Variants in STPG2 observed in about 807,000 individuals in gnomAD.
STPG2 encodes the protein sperm-tail PG-rich repeat-containing protein 2.
In STPG2, 56 loss-of-function variants were observed where a neutral mutation model predicts 54.2. The observed-to-expected ratio is 1.03, with a 90% CI of 0.83 to 1.29. STPG2 has a LOEUF of 1.29. STPG2 is among the 50% of genes most tolerant of loss of function. STPG2 has a pLI of 0.00. For missense variants in STPG2, 596 were observed against 544.9 expected (o/e 1.09, Z -0.93); for synonymous variants, 200 against 181.8 (o/e 1.10, Z -0.81).
At chr4:97,657,981 A>T (rs1478337371) in intron 10 of STPG2, among the ~76,000 whole-genome samples, 1 of 152,200 alleles carries the variant, frequency 6.6e-6, no homozygotes, top group African/African-American at 2.4e-5. Flanking sequence ...AGAAAATGTG[A>T]CTTGCATAAA....
intron 4 of STPG2, among the ~76,000 whole-genome samples, chr4:97,539,577 C>T (rs977155806): frequency 3.3e-5 from 5 of 152,136 alleles, no homozygotes; most frequent in East Asian, 1.9e-4. Flanking sequence ...GACTTAGACT[C>T]GCACACAATA....
chr4:97,740,333 T>A (rs1441715834), intron 9 of STPG2, among the ~76,000 whole-genome samples: 3 of 152,120 alleles, frequency 2.0e-5, no homozygotes, highest in South Asian at 4.2e-4. Context: ...TCACCACTCC[T>A]ATTCAACATA....
In STPG2 at chr4:98,143,256, G is replaced by A. The variant is rs1740355838; in HGVS notation, c.-106C>T. 5.0e-6 allele frequency: 4 copies of A among 801,524 alleles called. No homozygotes were observed. In the South Asian group the frequency reaches 5.4e-5, roughly 11 times the overall value. The allele number at this position is 801,524 out of a possible 1,614,324, so 49.7% of individuals were successfully genotyped here. A position where few individuals can be genotyped will look rare whatever the true frequency, so the allele number is the denominator to read the frequency against. On this transcript the variant is annotated 5_prime_UTR_variant, in exon 1 of 11. Transcript: ENST00000295268. ...AAGGAAGCCGACACCAGTCTGAGGA[G>A]GCCGGGAAAGAACTTCCGTAAACAG... is the stretch of plus-strand genomic sequence containing the variant.
At chr4:97,564,032 G>A (rs1732343396) in intron 10 of STPG2, among the ~76,000 whole-genome samples, 2 of 152,160 alleles carry the variant, frequency 1.3e-5, no homozygotes, top group African/African-American at 4.8e-5. Flanking sequence ...TGACAGTGGG[G>A]TGTTAAAGTC....
At chr4:97,879,514 C>T (rs1008239428) in intron 8 of STPG2, among the ~76,000 whole-genome samples, 1 of 152,082 alleles carries the variant, frequency 6.6e-6, no homozygotes, top group East Asian at 1.9e-4. Context: ...AAGTGGTTTC[C>T]CCTTATAAAG....
At chr4:97,952,382 C>T (rs1409387545) in intron 7 of STPG2, among the ~76,000 whole-genome samples, 1 of 152,102 alleles carries the variant, frequency 6.6e-6, no homozygotes, top group Non-Finnish European at 1.5e-5. Flanking sequence ...TGCAACTGTG[C>T]CTCTGAAGAA....
At chr4:97,961,900 T>C (rs1231062445) in intron 7 of STPG2, among the ~76,000 whole-genome samples, 1 of 152,130 alleles carries the variant, frequency 6.6e-6, no homozygotes, top group East Asian at 1.9e-4. Flanking sequence ...AAAAAGATAC[T>C]TGCACACGCA....
chr4:97,674,340 A>T (rs907161268), intron 10 of STPG2, among the ~76,000 whole-genome samples: 1 of 152,224 alleles, frequency 6.6e-6, no homozygotes, highest in African/African-American at 2.4e-5. Context: ...TATTTCAGGG[A>T]TATTGTAAAT....
chr4:97,850,488 C>T (rs1232863728), intron 8 of STPG2, among the ~76,000 whole-genome samples: 1 of 151,288 alleles, frequency 6.6e-6, no homozygotes, highest in African/African-American at 2.4e-5. Context: ...AAATGTTATA[C>T]AGAATTTAGC....
chr4:97,904,999 C>T (rs530900575), intron 8 of STPG2, among the ~76,000 whole-genome samples: 23 of 151,976 alleles, frequency 1.5e-4, no homozygotes, highest in Admixed American at 1.2e-3. Flanking sequence ...CTGAAAGTGA[C>T]GGGGAGAATG....
At chr4:97,810,271 C>T (rs1384567593) in intron 9 of STPG2, among the ~76,000 whole-genome samples, 1 of 152,066 alleles carries the variant, frequency 6.6e-6, no homozygotes, top group Non-Finnish European at 1.5e-5. Flanking sequence ...CGAGACCATC[C>T]TGGCCAACAT....
chr4:97,746,746 A>G (rs925133596), intron 9 of STPG2, among the ~76,000 whole-genome samples: 3 of 151,302 alleles, frequency 2.0e-5, no homozygotes, highest in African/African-American at 4.8e-5. Context: ...CTTTACCTAA[A>G]TATGGCAAAG....
intron 8 of STPG2, among the ~76,000 whole-genome samples, chr4:97,917,864 A>G (rs79395698): frequency 6.6e-6 from 1 of 152,136 alleles, no homozygotes; most frequent in African/African-American, 2.4e-5. Context: ...TAAATATTTC[A>G]TAACTATATC....
At chr4:97,773,994 G>T (rs1243148623) in intron 9 of STPG2, among the ~76,000 whole-genome samples, 1 of 147,252 alleles carries the variant, frequency 6.8e-6, no homozygotes, top group Non-Finnish European at 1.5e-5. Flanking sequence ...TAAAATATAG[G>T]GTGTGTGTGT....
At chr4:97,829,806 C>T (rs931704735) in intron 9 of STPG2, among the ~76,000 whole-genome samples, 12 of 151,160 alleles carry the variant, frequency 7.9e-5, no homozygotes, top group African/African-American at 2.4e-4. Flanking sequence ...TGAAATTAAG[C>T]GAGAAGAGAA....
At chr4:98,117,574 T>C (rs139584972) in intron 3 of STPG2, among the ~76,000 whole-genome samples, 1 of 152,134 alleles carries the variant, frequency 6.6e-6, no homozygotes, top group Admixed American at 6.6e-5. Flanking sequence ...TACTCGACAG[T>C]GTCCCCTAGA....
chr4:97,978,547 T>A (rs1445766787), intron 6 of STPG2, among the ~76,000 whole-genome samples: 1 of 151,632 alleles, frequency 6.6e-6, no homozygotes, highest in African/African-American at 2.4e-5. Flanking sequence ...TCAGGAAAAA[T>A]AACTAATGGG....
At chr4:97,804,889 C>A (rs565734469) in intron 9 of STPG2, among the ~76,000 whole-genome samples, 2 of 152,058 alleles carry the variant, frequency 1.3e-5, no homozygotes, top group Admixed American at 6.6e-5. Flanking sequence ...TGCAGTGATA[C>A]GCTATGCAGG....
chr4:97,820,133 G>T (rs1728038660), intron 9 of STPG2, among the ~76,000 whole-genome samples: 2 of 151,850 alleles, frequency 1.3e-5, no homozygotes, highest in Admixed American at 6.6e-5. Context: ...TATTATATCT[G>T]TTATGATGAA....
Sources: allele counts gnomAD v4.1 joint callset (sites outside exome capture counted in the v4.1 genomes callset), GRCh38; gene constraint gnomAD v4.1.1; transcripts MANE v1.5; gene names NCBI Gene and HGNC (gene_info 2026-07-23, HGNC 2026-07-21).